The following FARS2 variants were observed in gnomAD, a reference collection of about 807,000 sequenced individuals.
The protein encoded by FARS2 is phenylalanine--tRNA ligase, mitochondrial.
A neutral mutation model predicts 46.4 loss-of-function variants in FARS2; 40 were observed. The observed-to-expected ratio is 0.86, with a 90% CI of 0.67 to 1.12. FARS2 has a LOEUF of 1.12. Ranked by LOEUF, FARS2 falls within the 50% of genes most tolerant of loss-of-function variation. The pLI, the probability that FARS2 is intolerant of heterozygous loss-of-function variation, is 0.00. For synonymous variants in FARS2, 234 were observed against 214.9 expected (o/e 1.09, Z -0.78); for missense variants, 513 against 567.9 (o/e 0.90, Z 0.98).
intron 6 of FARS2, among the ~76,000 whole-genome samples, chr6:5,662,009 C>T (rs1777873756): frequency 6.6e-6 from 1 of 152,006 alleles, no homozygotes; most frequent in African/African-American, 2.4e-5. Flanking sequence ...TGACCTTAGA[C>T]TGGACAAAAG....
intron 3 of FARS2, among the ~76,000 whole-genome samples, chr6:5,422,805 T>C (rs1762628813): frequency 6.6e-6 from 1 of 152,168 alleles, no homozygotes; most frequent in African/African-American, 2.4e-5. Context: ...TCATATTTTA[T>C]TAAAAAGTGA....
At chr6:5,758,226 G>A (rs192400598) in intron 6 of FARS2, among the ~76,000 whole-genome samples, 2 of 151,668 alleles carry the variant, frequency 1.3e-5, no homozygotes, top group East Asian at 1.9e-4. Context: ...ATTTTTATAG[G>A]CCCAATAATA....
At chr6:5,531,159 A>G (rs1026488399) in intron 4 of FARS2, among the ~76,000 whole-genome samples, 1 of 152,072 alleles carries the variant, frequency 6.6e-6, no homozygotes, top group African/African-American at 2.4e-5. Context: ...ATTTTCACGT[A>G]TATCTTATAT....
intron 2 of FARS2, among the ~76,000 whole-genome samples, chr6:5,376,857 TAG>T (rs1237392086): frequency 6.6e-6 from 1 of 152,100 alleles, no homozygotes. Context: ...TTAATCCAGC[TAG>T]ATAAACATAA....
intron 6 of FARS2, among the ~76,000 whole-genome samples, chr6:5,756,122 A>G (rs1173287054): frequency 6.6e-6 from 1 of 152,208 alleles, no homozygotes; most frequent in Non-Finnish European, 1.5e-5. Flanking sequence ...CAAAGCTTTC[A>G]TTCTCAGGTG....
intron 3 of FARS2, among the ~76,000 whole-genome samples, chr6:5,419,947 G>T (rs923765479): frequency 6.6e-6 from 1 of 152,080 alleles, no homozygotes; most frequent in Admixed American, 6.5e-5. Flanking sequence ...TTTTGTATTA[G>T]TCCATTTTCA....
At chr6:5,652,820 G>A (rs955803145) in intron 6 of FARS2, among the ~76,000 whole-genome samples, 5 of 152,222 alleles carry the variant, frequency 3.3e-5, no homozygotes, top group South Asian at 2.1e-4. Flanking sequence ...CTCCCGAGGC[G>A]CTAGCAAAGG....
intron 6 of FARS2, among the ~76,000 whole-genome samples, chr6:5,675,522 A>G (rs933063805): frequency 6.6e-5 from 10 of 152,214 alleles, no homozygotes; most frequent in Admixed American, 3.3e-4. Context: ...TTGCCATTCC[A>G]CATGTACCCA....
chr6:5,258,274 C>G (rs1441657530), upstream of FARS2, among the ~76,000 whole-genome samples: 1 of 152,220 alleles, frequency 6.6e-6, no homozygotes, highest in East Asian at 1.9e-4. Context: ...ACTCTAATTA[C>G]TTAAGGCACA....
At position 5,516,788 on chromosome 6, in the gene FARS2, A is replaced by G. The variant is rs9502310; in HGVS notation, c.905-28392A>G. Among the ~76,000 whole-genome samples the G allele has an allele frequency of 1.2e-3, 178 of 152,330 alleles. 2 individuals are homozygous for G. The highest frequency in any genetic ancestry group is 4.1e-3 in the African/African-American group (169 of 41,578). ...CAATATAACTTTGCATTTTTTAATT[A>G]ACCAAGGATATAATATGTTTACTCA... is the stretch of plus-strand genomic sequence containing the variant. On this transcript the variant is annotated intron_variant, in intron 4 of 6. Coordinates refer to ENST00000274680, the MANE Select transcript of FARS2 (RefSeq NM_006567.5).
chr6:5,354,381 T>C (rs900422788), intron 1 of FARS2, among the ~76,000 whole-genome samples: 12 of 152,186 alleles, frequency 7.9e-5, no homozygotes, highest in Admixed American at 6.5e-5. Context: ...ATGAAAACAC[T>C]AAAAATCTAT....
chr6:5,500,932 CCGAGAG>C (rs1293564321), intron 4 of FARS2, among the ~76,000 whole-genome samples: 4 of 105,318 alleles, frequency 3.8e-5, no homozygotes, highest in Non-Finnish European at 5.4e-5. Context: ...CTTCAAATCC[CCGAGAG>C]AGAGAGAGAG....
Position 5,417,754 on chromosome 6 carries a change from G to A in FARS2, c.772+13053G>A, listed in dbSNP as rs576439025. Among the ~76,000 whole-genome samples the A allele has an allele frequency of 2.6e-5, 4 of 152,272 alleles. No individual in the cohort carries two copies. The South Asian group carries it at 8.3e-4, about 32-fold the overall frequency. On this transcript the variant is annotated intron_variant, in intron 3 of 6. Transcript: ENST00000274680. ...ATTTCTTATGTTTGGAATTGGTTGA[G>A]CTTCTTGGATTTATATTTTTCGTGA...
At chr6:5,667,661 C>T (rs1438511118) in intron 6 of FARS2, among the ~76,000 whole-genome samples, 1 of 152,142 alleles carries the variant, frequency 6.6e-6, no homozygotes, top group Non-Finnish European at 1.5e-5. Context: ...AAACATGGAG[C>T]CATCCAGCCA....
intron 1 of FARS2, among the ~76,000 whole-genome samples, chr6:5,267,008 C>A (rs1035287538): frequency 2.6e-5 from 4 of 151,998 alleles, no homozygotes; most frequent in Non-Finnish European, 5.9e-5. Flanking sequence ...TTTGAGAAAT[C>A]TTGAAAGCTA....
intron 1 of FARS2, among the ~76,000 whole-genome samples, chr6:5,304,332 T>C (rs954352600): frequency 1.3e-5 from 2 of 152,228 alleles, no homozygotes; most frequent in Non-Finnish European, 2.9e-5. Flanking sequence ...TCATTAATTA[T>C]TTAACTCTGT....
intron 6 of FARS2, among the ~76,000 whole-genome samples, chr6:5,738,937 A>G (rs1030909007): frequency 6.6e-6 from 1 of 152,186 alleles, no homozygotes; most frequent in East Asian, 1.9e-4. Context: ...CAGCCTGGAC[A>G]ATGACTCGTT....
chr6:5,614,646 G>T (rs189396891), intron 6 of FARS2, among the ~76,000 whole-genome samples: 4 of 152,126 alleles, frequency 2.6e-5, no homozygotes, highest in South Asian at 2.1e-4. Flanking sequence ...TGATCCGCCC[G>T]CCTGGGCCTC....
chr6:5,664,357 C>T (rs999218270), intron 6 of FARS2, among the ~76,000 whole-genome samples: 2 of 152,126 alleles, frequency 1.3e-5, no homozygotes, highest in South Asian at 4.1e-4. Context: ...AGTGTTACAC[C>T]GAGGGTCCTG....
Sources: allele counts gnomAD v4.1 joint callset (sites outside exome capture counted in the v4.1 genomes callset), GRCh38; gene constraint gnomAD v4.1.1; transcripts MANE v1.5; gene names NCBI Gene and HGNC (gene_info 2026-07-23, HGNC 2026-07-21).